WDR70: variants seen among roughly 807,000 people sequenced by gnomAD.
WDR70 encodes WD repeat domain 70, also known as WD repeat-containing protein 70.
In WDR70, 53 loss-of-function variants were observed where a neutral mutation model predicts 88.6. The ratio of observed to expected loss-of-function variants is 0.60; its 90% CI spans 0.48 to 0.75. The LOEUF (loss-of-function observed/expected upper bound fraction) is 0.75, where lower values mean the gene tolerates loss of function less well. WDR70 is among the 30% of genes least tolerant of loss of function. WDR70 has a pLI of 0.00. For synonymous variants in WDR70, 280 were observed against 270.0 expected (o/e 1.04, Z -0.36); for missense variants, 610 against 823.2 (o/e 0.74, Z 3.17).
chr5:37,489,407 A>G (rs1739994054), intron 8 of WDR70, among the ~76,000 whole-genome samples: 1 of 152,056 alleles, frequency 6.6e-6, no homozygotes, highest in Non-Finnish European at 1.5e-5. Context: ...GGTAGCACAC[A>G]CTGTTGTTAG....
At chr5:37,385,478 C>T (rs1315276470) in intron 3 of WDR70, among the ~76,000 whole-genome samples, 3 of 130,840 alleles carry the variant, frequency 2.3e-5, no homozygotes, top group African/African-American at 8.8e-5. Flanking sequence ...ATGATCATGC[C>T]ACTGCATCAC....
intron 9 of WDR70, among the ~76,000 whole-genome samples, chr5:37,524,732 A>G (rs1483560777): frequency 2.0e-5 from 3 of 152,200 alleles, no homozygotes; most frequent in African/African-American, 4.8e-5. Flanking sequence ...GTATTCAGGA[A>G]ACCCATCTCA....
At chr5:37,384,180 T>C (rs1748529449) in intron 3 of WDR70, among the ~76,000 whole-genome samples, 1 of 147,808 alleles carries the variant, frequency 6.8e-6, no homozygotes, top group Non-Finnish European at 1.5e-5. Context: ...CCCCTTTTTT[T>C]TTTTTTTTTT....
At chr5:37,469,581 A>T (rs1007224637) in intron 7 of WDR70, among the ~76,000 whole-genome samples, 1 of 152,332 alleles carries the variant, frequency 6.6e-6, no homozygotes, top group Admixed American at 6.5e-5. Context: ...TGGGAGTAAC[A>T]GAAGTAATAG....
At chr5:37,473,428 C>T (rs1739388537) in intron 7 of WDR70, among the ~76,000 whole-genome samples, 1 of 150,562 alleles carries the variant, frequency 6.6e-6, no homozygotes, top group Non-Finnish European at 1.5e-5. Flanking sequence ...ACTGTAACCT[C>T]TGCCTCCTGG....
chr5:37,645,179 T>A (rs1054887747), intron 10 of WDR70, among the ~76,000 whole-genome samples: 1 of 151,860 alleles, frequency 6.6e-6, no homozygotes, highest in Non-Finnish European at 1.5e-5. Context: ...ATATTTCTGG[T>A]ACCATTTTTT....
intron 8 of WDR70, chr5:37,506,865 G>A (rs1581346990): frequency 8.3e-7 from 1 of 1,208,676 alleles, no homozygotes; most frequent in East Asian, 2.3e-5. Flanking sequence ...TCATTGCGCT[G>A]CCCCCGGTGG....
At chr5:37,481,067 T>C (rs1032528223) in intron 8 of WDR70, among the ~76,000 whole-genome samples, 6 of 152,238 alleles carry the variant, frequency 3.9e-5, no homozygotes, top group Admixed American at 1.3e-4. Flanking sequence ...ATCCAGGTGA[T>C]GCAAGAAGTG....
chr5:37,463,080 T>C (rs1739057810), intron 7 of WDR70, among the ~76,000 whole-genome samples: 1 of 152,108 alleles, frequency 6.6e-6, no homozygotes, highest in Admixed American at 6.6e-5. Flanking sequence ...GAGACCAGCC[T>C]GACCAACATG....
intron 8 of WDR70, among the ~76,000 whole-genome samples, chr5:37,485,858 A>ATTTTTTTTT (rs57109943): frequency 3.9e-4 from 42 of 108,272 alleles, no homozygotes; most frequent in East Asian, 9.2e-4. Context: ...TGCCTGGCTA[A>ATTTTTTTTT]TTTTTTTTTT....
chr5:37,705,058 GATAAA>G lies in WDR70; in HGVS notation c.1416+1977_1416+1981del, dbSNP rs1456624631. ...GTTCATTGACGTAAAAATACATAGAGATAAAATAAAGCAGATTTTGGAAGAAAGAC... is the reference window on the plus strand; with the variant it reads ...GTTCATTGACGTAAAAATACATAGAGATAAAGCAGATTTTGGAAGAAAGAC... On this transcript the variant is annotated intron_variant, in intron 13 of 17. Coordinates refer to ENST00000265107, the MANE Select transcript of WDR70 (RefSeq NM_018034.4). 3.9e-5 allele frequency among the ~76,000 whole-genome samples: 6 copies of G among 152,204 alleles called. No individual in the cohort carries two copies. The East Asian group carries it at 5.8e-4, about 15-fold the overall frequency.
chr5:37,578,581 A>G (rs1345015804), intron 9 of WDR70, among the ~76,000 whole-genome samples: 2 of 152,182 alleles, frequency 1.3e-5, no homozygotes, highest in African/African-American at 2.4e-5. Flanking sequence ...ATCGAAGCAA[A>G]TTTGTGTCAT....
intron 9 of WDR70, among the ~76,000 whole-genome samples, chr5:37,557,025 A>T (rs1016568454): frequency 6.6e-6 from 1 of 152,188 alleles, no homozygotes; most frequent in Admixed American, 6.5e-5. Flanking sequence ...CCTTTTAAAA[A>T]TGCAATTGTA....
chr5:37,543,326 AC>A (rs1436505345), intron 9 of WDR70, among the ~76,000 whole-genome samples: 4 of 152,200 alleles, frequency 2.6e-5, no homozygotes, highest in Middle Eastern at 3.2e-3. Flanking sequence ...GTAAACTGAT[AC>A]AGTGATATTA....
intron 17 of WDR70, among the ~76,000 whole-genome samples, chr5:37,729,173 C>T (rs1748069284): frequency 6.6e-6 from 1 of 152,102 alleles, no homozygotes; most frequent in Non-Finnish European, 1.5e-5. Context: ...GTTACAGACT[C>T]ATCTTGGTTT....
chr5:37,704,269 C>A (rs1017247591), intron 13 of WDR70, among the ~76,000 whole-genome samples: 1 of 152,194 alleles, frequency 6.6e-6, no homozygotes, highest in Non-Finnish European at 1.5e-5. Flanking sequence ...TATCAACTTT[C>A]ATCTCAGAAA....
At chr5:37,751,107 G>A (rs550325169) in intron 17 of WDR70, among the ~76,000 whole-genome samples, 1 of 152,256 alleles carries the variant, frequency 6.6e-6, no homozygotes, top group South Asian at 2.1e-4. Flanking sequence ...CTAATTCAAA[G>A]GATTTTTTAA....
At chr5:37,386,955 G>A (rs527241406) in intron 3 of WDR70, among the ~76,000 whole-genome samples, 205 of 152,158 alleles carry the variant, frequency 1.3e-3, no homozygotes, top group Middle Eastern at 3.4e-3. Flanking sequence ...AAAATTAACC[G>A]GGTGTGGGTG....
intron 10 of WDR70, among the ~76,000 whole-genome samples, chr5:37,667,519 A>C (rs1277323257): frequency 6.6e-6 from 1 of 152,206 alleles, no homozygotes; most frequent in Non-Finnish European, 1.5e-5. Context: ...GATTTGACAA[A>C]TAGAGGTCTT....
Sources: allele counts gnomAD v4.1 joint callset (sites outside exome capture counted in the v4.1 genomes callset), GRCh38; gene constraint gnomAD v4.1.1; transcripts MANE v1.5; gene names NCBI Gene and HGNC (gene_info 2026-07-23, HGNC 2026-07-21).